Variants in ICA1L observed in about 807,000 individuals in gnomAD.
ICA1L encodes islet cell autoantigen 1-like protein.
ICA1L carries 50 observed loss-of-function variants against 61.3 expected under a neutral mutation model. That is an observed-to-expected ratio of 0.82 (90% CI 0.65 to 1.03). ICA1L has a LOEUF of 1.03. ICA1L is among the 50% of genes least tolerant of loss of function. The pLI, the probability that ICA1L is intolerant of heterozygous loss-of-function variation, is 0.00. For synonymous variants in ICA1L, 161 were observed against 191.3 expected (o/e 0.84, Z 1.31); for missense variants, 508 against 556.7 (o/e 0.91, Z 0.88).
At chr2:202,835,775 C>G (rs1694132515) in intron 1 of ICA1L, among the ~76,000 whole-genome samples, 1 of 151,944 alleles carries the variant, frequency 6.6e-6, no homozygotes, top group South Asian at 2.1e-4. Flanking sequence ...GTCTCAAACT[C>G]CTGTCTTCCA....
chr2:202,788,268 T>C (rs1314032626), intron 11 of ICA1L, among the ~76,000 whole-genome samples: 1 of 152,078 alleles, frequency 6.6e-6, no homozygotes, highest in Non-Finnish European at 1.5e-5. Flanking sequence ...GGAAACCAAA[T>C]GAGGCTCTAA....
intron 4 of ICA1L, among the ~76,000 whole-genome samples, chr2:202,820,604 C>T (rs1354927870): frequency 6.6e-6 from 1 of 152,156 alleles, no homozygotes; most frequent in Non-Finnish European, 1.5e-5. Context: ...GCTAGCAGAA[C>T]TAATGAGTAT....
intron 1 of ICA1L, chr2:202,841,328 C>T (rs1694323277): frequency 1.3e-6 from 1 of 778,158 alleles, no homozygotes; most frequent in African/African-American, 1.7e-5. Context: ...CCAGAGTCTC[C>T]AGCTGCTGCT....
At chr2:202,820,608 T>A (rs918407742) in intron 4 of ICA1L, among the ~76,000 whole-genome samples, 3 of 152,310 alleles carry the variant, frequency 2.0e-5, no homozygotes, top group Admixed American at 6.5e-5. Flanking sequence ...GCAGAACTAA[T>A]GAGTATGGAG....
chr2:202,828,561 C>A (rs545800704), intron 2 of ICA1L, among the ~76,000 whole-genome samples: 22 of 152,258 alleles, frequency 1.4e-4, no homozygotes, highest in Admixed American at 2.6e-4. Context: ...ATGGTCTCAA[C>A]TGGGAATGTA....
chr2:202,796,649 A>G (rs1036835876), intron 10 of ICA1L, among the ~76,000 whole-genome samples: 2 of 152,210 alleles, frequency 1.3e-5, no homozygotes, highest in African/African-American at 4.8e-5. Flanking sequence ...GTTGAGATAC[A>G]TGAGACAGAA....
chr2:202,869,907 G>A (rs983659182), intron 1 of ICA1L, among the ~76,000 whole-genome samples: 3 of 151,962 alleles, frequency 2.0e-5, no homozygotes, highest in Admixed American at 6.6e-5. Flanking sequence ...CTTAAGTGAT[G>A]AATGAAAAAT....
At chr2:202,819,541 G>A (rs961664495) in intron 5 of ICA1L, 160 bp downstream of exon 5, 5 of 614,716 alleles carry the variant, frequency 8.1e-6, no homozygotes, top group Admixed American at 3.0e-5. Flanking sequence ...AAATAAAAGT[G>A]TGACAAACTT....
chr2:202,797,168 G>T (rs1559130703), intron 9 of ICA1L, among the ~76,000 whole-genome samples: 1 of 149,584 alleles, frequency 6.7e-6, no homozygotes, highest in Non-Finnish European at 1.5e-5. Flanking sequence ...GTGTGTATAT[G>T]TATATAAATG....
At chr2:202,819,586 A>G (rs1351043743) in intron 5 of ICA1L, 115 bp downstream of exon 5, 4 of 813,226 alleles carry the variant, frequency 4.9e-6, no homozygotes, top group Non-Finnish European at 7.9e-6. Context: ...GCAACCAAGA[A>G]TGTATAATGA....
intron 1 of ICA1L, among the ~76,000 whole-genome samples, chr2:202,859,093 T>A (rs1346777991): frequency 6.6e-6 from 1 of 152,232 alleles, no homozygotes; most frequent in Non-Finnish European, 1.5e-5. Context: ...CTCTTTTGTC[T>A]GTCTCCTTTC....
chr2:202,797,544 CAG>C (rs1169208696), intron 9 of ICA1L, among the ~76,000 whole-genome samples: 3 of 151,940 alleles, frequency 2.0e-5, no homozygotes, highest in Non-Finnish European at 2.9e-5. Context: ...GTTTTTGAGA[CAG>C]AGTCTTGCTC....
Position 202,774,417 on chromosome 2 carries a change from C to T in ICA1L, c.*5116G>A, listed in dbSNP as rs1176886591. On this transcript the variant is annotated 3_prime_UTR_variant, in exon 13 of 13. Transcript: ENST00000358299. ...TGCGCCTCCAACAGCCAGGGTCGAG[C>T]CCCTGGCTCCCCGTTCGTCCAGGCC... 5.9e-6 allele frequency: 5 copies of T among 851,136 alleles called. No homozygotes were observed. The East Asian group carries it at 1.1e-4, about 19-fold the overall frequency. 52.7% of individuals were successfully genotyped at this position (851,136 alleles called of 1,614,324 possible).
In ICA1L at chr2:202,773,685, T is replaced by A. The variant is rs1183422608; in HGVS notation, c.*5848A>T. 2.3e-5 allele frequency: 20 copies of A among 871,130 alleles called. No individual in the cohort carries two copies. The highest frequency in any genetic ancestry group is 3.7e-5 in the Non-Finnish European group (20 of 547,216). 54.0% of individuals were successfully genotyped at this position (871,130 alleles called of 1,614,324 possible). The stretch of plus-strand genomic sequence containing the variant: ...TTCAGAGATAGATGCCCAAGAGCTA[T>A]CATTAATATATACAGCATATTGACT... On this transcript the variant is annotated 3_prime_UTR_variant, in exon 13 of 13. Coordinates refer to ENST00000358299, the MANE Select transcript of ICA1L (RefSeq NM_001288622.3).
intron 3 of ICA1L, among the ~76,000 whole-genome samples, chr2:202,824,475 A>C (rs575991547): frequency 6.6e-6 from 1 of 152,266 alleles, no homozygotes; most frequent in African/African-American, 2.4e-5. Context: ...AATATACAGA[A>C]TGTTGAATAT....
chr2:202,787,252 C>CCTG (rs1296907637), intron 11 of ICA1L, among the ~76,000 whole-genome samples: 1 of 152,134 alleles, frequency 6.6e-6, no homozygotes, highest in African/African-American at 2.4e-5. Flanking sequence ...TCCTGTCTGC[C>CCTG]TACAGGTAGG....
In ICA1L at chr2:202,774,230, T is replaced by G; in HGVS notation, c.*5303A>C. 6.5e-7 allele frequency: 1 copy of G among 1,549,052 alleles called. No homozygotes were observed. Among genetic ancestry groups the G allele is most frequent in the Non-Finnish European group, 8.7e-7 (1 of 1,146,242 alleles). On this transcript the variant is annotated 3_prime_UTR_variant, in exon 13 of 13. Transcript: ENST00000358299. Reference sequence around the variant, plus strand: ...CGCCGGATCGAAGGCGCGGGGCGGCTCCTGAGTCTTCTCGCTCCTGTCGGC... The same window carrying G: ...CGCCGGATCGAAGGCGCGGGGCGGCGCCTGAGTCTTCTCGCTCCTGTCGGC...
intron 1 of ICA1L, among the ~76,000 whole-genome samples, chr2:202,854,273 C>CA (rs1242668602): frequency 2.0e-5 from 3 of 150,482 alleles, no homozygotes; most frequent in Non-Finnish European, 4.4e-5. Context: ...TTTAAACCAA[C>CA]AAAGATCAAA....
intron 1 of ICA1L, among the ~76,000 whole-genome samples, chr2:202,865,232 G>A (rs920423458): frequency 6.6e-6 from 1 of 151,952 alleles, no homozygotes; most frequent in Non-Finnish European, 1.5e-5. Flanking sequence ...ACTCTGGAAG[G>A]CCGAGGCGGG....
Sources: gnomAD v4.1 joint callset for allele counts (sites outside exome capture counted in the v4.1 genomes callset) on GRCh38, gnomAD v4.1.1 for gene constraint, MANE v1.5 for transcripts, NCBI Gene and HGNC (gene_info 2026-07-23, HGNC 2026-07-21) for gene names.